Variants in PATJ observed in about 807,000 individuals in gnomAD.
PATJ encodes the protein inaD-like protein.
A neutral mutation model predicts 224.9 loss-of-function variants in PATJ; 190 were observed. The observed-to-expected ratio is 0.84, with a 90% CI of 0.75 to 0.95. PATJ has a LOEUF of 0.95. Ranked by LOEUF, PATJ falls within the 40% of genes least tolerant of loss-of-function variation. The probability of loss-of-function intolerance (pLI) is 0.00; values close to 1 mark genes in which losing one functional copy is unlikely to be tolerated. For synonymous variants in PATJ, 769 were observed against 820.3 expected, an observed-to-expected ratio of 0.94 and a Z score of 1.07; for missense variants, 2,121 against 2,270.3, an observed-to-expected ratio of 0.93 and a Z score of 1.34.
chr1:61,806,745 A>G (rs1294462746), intron 13 of PATJ, among the ~76,000 whole-genome samples: 1 of 152,148 alleles, frequency 6.6e-6, no homozygotes, highest in Non-Finnish European at 1.5e-5. Flanking sequence ...TTATTAGGCT[A>G]TCACCTAGCA....
chr1:61,867,766 A>G (rs60422848), intron 20 of PATJ, among the ~76,000 whole-genome samples: 34,807 of 151,910 alleles, frequency 0.23, 4,214 homozygotes, highest in African/African-American at 0.29. Context: ...AGTGAGGAAC[A>G]CTTACACCCG....
intron 14 of PATJ, among the ~76,000 whole-genome samples, chr1:61,816,047 C>G (rs765414715): frequency 6.6e-6 from 1 of 152,260 alleles, no homozygotes; most frequent in East Asian, 1.9e-4. Context: ...ACACCAGGTC[C>G]TGCTCTCTGG....
intron 30 of PATJ, among the ~76,000 whole-genome samples, chr1:62,044,486 A>C (rs1043264643): frequency 6.6e-6 from 1 of 152,242 alleles, no homozygotes; most frequent in Admixed American, 6.5e-5. Flanking sequence ...AACCCAATTA[A>C]GAAGCCATTG....
intron 22 of PATJ, among the ~76,000 whole-genome samples, chr1:61,887,351 A>ATTCT (rs1669034918): frequency 6.6e-6 from 1 of 152,110 alleles, no homozygotes; most frequent in Non-Finnish European, 1.5e-5. Flanking sequence ...ATCCAAAGAG[A>ATTCT]TTCTTGTCCA....
At chr1:61,842,035 G>A (rs995984335) in intron 17 of PATJ, among the ~76,000 whole-genome samples, 16 of 152,246 alleles carry the variant, frequency 1.1e-4, no homozygotes, top group Admixed American at 9.2e-4. Context: ...TTCTCTCATG[G>A]CTTAAGTTTT....
Position 62,000,807 on chromosome 1 carries a change from C to G in PATJ, c.3867+10443C>G, listed in dbSNP as rs552951347. On this transcript the variant is annotated intron_variant, in intron 28 of 43. Transcript: ENST00000642238. ...CCCAAGGGTTGAACTAGTTTACAGTCCCACCAACAGTGTAAAAGTGTTCCT... is the reference window on the plus strand; with the variant it reads ...CCCAAGGGTTGAACTAGTTTACAGTGCCACCAACAGTGTAAAAGTGTTCCT... Among the ~76,000 whole-genome samples, 14 of 151,208 alleles carry G rather than the reference C, an allele frequency of 9.3e-5. No homozygotes were observed. In the East Asian group the frequency reaches 2.5e-3, roughly 27 times the overall value.
chr1:62,148,421 T>A (rs372230921), intron 42 of PATJ, 31 bp downstream of exon 42: 79 of 1,486,692 alleles, frequency 5.3e-5, no homozygotes, highest in Admixed American at 1.3e-4. Context: ...GGGCCTATTA[T>A]GCATGTGGGC....
chr1:62,034,887 C>A (rs1276619159), intron 29 of PATJ, among the ~76,000 whole-genome samples: 1 of 152,170 alleles, frequency 6.6e-6, no homozygotes, highest in East Asian at 1.9e-4. Context: ...TCATCACGAT[C>A]TCTCAATAAG....
chr1:61,866,340 C>T (rs533292901), intron 20 of PATJ, among the ~76,000 whole-genome samples: 9 of 152,204 alleles, frequency 5.9e-5, no homozygotes, highest in African/African-American at 1.2e-4. Flanking sequence ...TGTATACTTA[C>T]GATATTTACT....
intron 24 of PATJ, among the ~76,000 whole-genome samples, chr1:61,907,637 C>T (rs1672035382): frequency 6.6e-6 from 1 of 152,188 alleles, no homozygotes. Context: ...CCTCTAATAG[C>T]AAAGCAGTCT....
At chr1:61,788,818 A>G (rs1649146927) in intron 8 of PATJ, among the ~76,000 whole-genome samples, 1 of 151,928 alleles carries the variant, frequency 6.6e-6, no homozygotes, top group Admixed American at 6.6e-5. Flanking sequence ...GGGATTACAG[A>G]CATGCACCAC....
chr1:61,743,006 G>C (rs1303795075), intron 1 of PATJ, among the ~76,000 whole-genome samples: 1 of 152,156 alleles, frequency 6.6e-6, no homozygotes, highest in East Asian at 1.9e-4. Context: ...CGCTCCCAGA[G>C]CTGGGCGGAG....
intron 31 of PATJ, among the ~76,000 whole-genome samples, chr1:62,055,810 G>A (rs1654439863): frequency 6.6e-6 from 1 of 152,152 alleles, no homozygotes; most frequent in South Asian, 2.1e-4. Flanking sequence ...ATCTGAGAAG[G>A]GATTTATTAA....
At chr1:61,822,671 T>C (rs1440187463) in intron 14 of PATJ, among the ~76,000 whole-genome samples, 4 of 152,112 alleles carry the variant, frequency 2.6e-5, no homozygotes, top group Non-Finnish European at 4.4e-5. Flanking sequence ...ACTACGGAAG[T>C]GTGGACTGCC....
At chr1:62,013,918 C>T (rs1427342282) in intron 28 of PATJ, among the ~76,000 whole-genome samples, 1 of 152,096 alleles carries the variant, frequency 6.6e-6, no homozygotes, top group Non-Finnish European at 1.5e-5. Context: ...GGACCACAGG[C>T]GCCTGACACG....
At chr1:61,803,604 G>T (rs553858441) in intron 12 of PATJ, among the ~76,000 whole-genome samples, 3 of 152,210 alleles carry the variant, frequency 2.0e-5, no homozygotes, top group South Asian at 4.1e-4. Flanking sequence ...AACCTCATTC[G>T]CAATGAAAGA....
chr1:62,143,928 A>G (rs911059401), intron 41 of PATJ, among the ~76,000 whole-genome samples: 2 of 152,134 alleles, frequency 1.3e-5, no homozygotes, highest in Non-Finnish European at 2.9e-5. Context: ...AGTGTGGGTC[A>G]TGGAAGTTTG....
At chr1:61,871,495 A>ATATACATATATATGTGTATATATG (rs1557793498) in intron 20 of PATJ, among the ~76,000 whole-genome samples, 1 of 46,260 alleles carries the variant, frequency 2.2e-5, no homozygotes, top group Non-Finnish European at 4.6e-5. Context: ...GTATATATGT[A>ATATACATATATATGTGTATATATG]TATATACATA....
At chr1:61,794,897 A>C (rs1208382111) in intron 9 of PATJ, among the ~76,000 whole-genome samples, 1 of 152,012 alleles carries the variant, frequency 6.6e-6, no homozygotes, top group Non-Finnish European at 1.5e-5. Flanking sequence ...CAGGAGAATC[A>C]CTTGAACTCT....
Sources: gnomAD v4.1 joint callset for allele counts (sites outside exome capture counted in the v4.1 genomes callset) on GRCh38, gnomAD v4.1.1 for gene constraint, MANE v1.5 for transcripts, NCBI Gene and HGNC (gene_info 2026-07-23, HGNC 2026-07-21) for gene names.